Variants in PTPRG observed in about 807,000 individuals in gnomAD.
PTPRG encodes protein tyrosine phosphatase receptor type G.
A neutral mutation model predicts 165.3 loss-of-function variants in PTPRG; 102 were observed. That is an observed-to-expected ratio of 0.62 (90% CI 0.53 to 0.73). The LOEUF (loss-of-function observed/expected upper bound fraction) is 0.73, where lower values mean the gene tolerates loss of function less well. PTPRG is among the 30% of genes least tolerant of loss of function. PTPRG has a pLI of 0.00. For missense variants in PTPRG, 1,866 were observed against 1,861.4 expected (o/e 1.00, Z -0.05); for synonymous variants, 675 against 669.5 (o/e 1.01, Z -0.13).
In PTPRG at chr3:62,275,857, G is replaced by GT. The variant is rs764726655; in HGVS notation, c.3466-10dup. On this transcript the variant is annotated splice_polypyrimidine_tract_variant and intron_variant, in intron 23 of 29. Coordinates refer to ENST00000474889, the MANE Select transcript of PTPRG (RefSeq NM_002841.4). Reference sequence around the variant, plus strand: ...TATATCTTTGAATGAAGACTAAAATGTTTTTTCTTTTTCAGCTGGTCACAC... The same window carrying GT: ...TATATCTTTGAATGAAGACTAAAATGTTTTTTTCTTTTTCAGCTGGTCACAC... 4 of 1,575,462 alleles carry GT rather than the reference G, an allele frequency of 2.5e-6. No homozygotes were observed. The highest frequency in any genetic ancestry group is 3.5e-5 in the Admixed American group (2 of 57,070).
chr3:61,918,068 AG>A (rs1191870366), intron 2 of PTPRG, among the ~76,000 whole-genome samples: 4 of 152,256 alleles, frequency 2.6e-5, no homozygotes, highest in Non-Finnish European at 5.9e-5. Flanking sequence ...AGCAGTTTAT[AG>A]AACTCTTGAA....
rs568281081 is a variant in PTPRG at position 62,251,356 on chromosome 3, C to CA, written c.2468-3762dup. Among the ~76,000 whole-genome samples, 48 of 145,550 alleles carry CA rather than the reference C, an allele frequency of 3.3e-4. 1 individual carries two copies. In the East Asian group the frequency reaches 9.3e-3, roughly 28 times the overall value. ...GCAACATAGCAAGACTCCATCTCTA[C>CA]AAAAAATGTAAGCCAGGTGTGGTGG... On this transcript the variant is annotated intron_variant, in intron 15 of 29. Coordinates refer to ENST00000474889, the MANE Select transcript of PTPRG (RefSeq NM_002841.4).
At chr3:61,844,211 G>A (rs944654101) in intron 2 of PTPRG, among the ~76,000 whole-genome samples, 2 of 152,124 alleles carry the variant, frequency 1.3e-5, no homozygotes, top group African/African-American at 4.8e-5. Context: ...TGATCTGCCT[G>A]CCTTTGCCTC....
chr3:61,729,551 G>T (rs984319646), intron 1 of PTPRG, among the ~76,000 whole-genome samples: 27 of 152,296 alleles, frequency 1.8e-4, no homozygotes, highest in African/African-American at 6.5e-4. Context: ...AGACAAGGGA[G>T]TAGCTTTGGG....
intron 1 of PTPRG, among the ~76,000 whole-genome samples, chr3:61,695,631 T>G (rs2030530548): frequency 6.6e-6 from 1 of 152,206 alleles, no homozygotes; most frequent in African/African-American, 2.4e-5. Flanking sequence ...TGATTTGATT[T>G]TATTTTGTTT....
intron 2 of PTPRG, among the ~76,000 whole-genome samples, chr3:61,800,005 A>G (rs1234663039): frequency 6.6e-6 from 1 of 152,206 alleles, no homozygotes; most frequent in Non-Finnish European, 1.5e-5. Context: ...TGTACCTGGA[A>G]GGTAATTTAA....
At chr3:61,569,016 C>T (rs771908365) in intron 1 of PTPRG, among the ~76,000 whole-genome samples, 4 of 152,064 alleles carry the variant, frequency 2.6e-5, no homozygotes, top group South Asian at 2.1e-4. Flanking sequence ...GCCTCCCAAA[C>T]GGAATTGGGT....
chr3:62,077,500 G>C (rs1456919757), intron 4 of PTPRG, among the ~76,000 whole-genome samples: 1 of 151,930 alleles, frequency 6.6e-6, no homozygotes, highest in Non-Finnish European at 1.5e-5. Context: ...ATAATGTGTG[G>C]GTTAGCTTTT....
At chr3:61,758,052 A>G (rs534119270) in intron 2 of PTPRG, among the ~76,000 whole-genome samples, 6 of 152,042 alleles carry the variant, frequency 3.9e-5, no homozygotes, top group Non-Finnish European at 8.8e-5. Flanking sequence ...AAGCCCACCC[A>G]CTTCTTTTTT....
chr3:61,727,093 G>T lies in PTPRG; in HGVS notation c.86-21785G>T, dbSNP rs902552500. Among the ~76,000 whole-genome samples the T allele has an allele frequency of 4.0e-5, 6 of 151,612 alleles. No homozygotes were observed. In the South Asian group the frequency reaches 1.3e-3, roughly 32 times the overall value. On this transcript the variant is annotated intron_variant, in intron 1 of 29. Coordinates refer to ENST00000474889, the MANE Select transcript of PTPRG (RefSeq NM_002841.4). ...AGCTATTGAATTTAATTTTGATTTT[G>T]ATTTTCTGTGGCATTTTTCTGAGTG...
chr3:62,023,160 TA>T lies in PTPRG; in HGVS notation c.519+19664del, dbSNP rs1201124025. On this transcript the variant is annotated intron_variant, in intron 4 of 29. Transcript: ENST00000474889. ...ATAATGCTAACAATGCATATTATCT[TA>T]TGAGTTAATTATATTTCTGTGTTAT... Among the ~76,000 whole-genome samples the T allele has an allele frequency of 2.0e-5, 3 of 152,198 alleles. No individual in the cohort carries two copies. The South Asian group carries it at 6.2e-4, about 31-fold the overall frequency.
At chr3:61,880,811 C>T (rs75554286) in intron 2 of PTPRG, among the ~76,000 whole-genome samples, 393 of 152,104 alleles carry the variant, frequency 2.6e-3, no homozygotes, top group African/African-American at 9.1e-3. Flanking sequence ...CTATGGACCA[C>T]GGTAACGTGG....
intron 2 of PTPRG, among the ~76,000 whole-genome samples, chr3:61,752,711 G>C (rs971724336): frequency 1.4e-5 from 2 of 147,816 alleles, no homozygotes; most frequent in African/African-American, 2.5e-5. Flanking sequence ...GTTTGAACCT[G>C]GGAGGTGGAG....
chr3:62,164,752 T>G (rs1229895855), intron 7 of PTPRG, among the ~76,000 whole-genome samples: 1 of 152,268 alleles, frequency 6.6e-6, no homozygotes, highest in Non-Finnish European at 1.5e-5. Context: ...GCCTCATTTT[T>G]ACAGTTATGT....
intron 2 of PTPRG, among the ~76,000 whole-genome samples, chr3:61,797,881 G>T (rs529112870): frequency 1.5e-4 from 22 of 151,210 alleles, no homozygotes; most frequent in African/African-American, 4.6e-4. Context: ...AAGGAGGGAC[G>T]AAAAGAGTGG....
Position 62,118,595 on chromosome 3 carries a change from T to A in PTPRG, c.616-14007T>A, listed in dbSNP as rs1702948519. 5 of 152,256 alleles carry A rather than the reference T, an allele frequency of 3.3e-5. No individual in the cohort carries two copies. In the South Asian group the frequency reaches 1.0e-3, roughly 31 times the overall value. The allele number at this position is 152,256 out of a possible 1,614,324, so 9.4% of individuals were successfully genotyped here. A position where few individuals can be genotyped will look rare whatever the true frequency, so the allele number is the denominator to read the frequency against. ...GTTAATAATGACGACTATTATTTTT[T>A]AAATTTTATGTTTTTTGCTTTTACC... On this transcript the variant is annotated intron_variant, in intron 5 of 29. Transcript: ENST00000474889.
chr3:61,644,118 A>G (rs1447470574), intron 1 of PTPRG, among the ~76,000 whole-genome samples: 1 of 152,194 alleles, frequency 6.6e-6, no homozygotes, highest in African/African-American at 2.4e-5. Context: ...GGTGCTAATT[A>G]TGTGCCCTGG....
rs141606424 is a variant in PTPRG, at chr3:61,916,262, G to GGT, written c.191-73352_191-73351dup. Among the ~76,000 whole-genome samples, 6 of 151,940 alleles carry GGT rather than the reference G, an allele frequency of 3.9e-5. No individual in the cohort carries two copies. In the South Asian group the frequency reaches 6.3e-4, roughly 16 times the overall value. ...TCACAGGATTCTAGACTTATTTTTGGGTGTGTGTGTGTATAGAGCTACACT... is the reference window on the plus strand; with the variant it reads ...TCACAGGATTCTAGACTTATTTTTGGGTGTGTGTGTGTGTATAGAGCTACACT... On this transcript the variant is annotated intron_variant, in intron 2 of 29. Transcript: ENST00000474889.
At chr3:61,632,133 C>T (rs1179620322) in intron 1 of PTPRG, among the ~76,000 whole-genome samples, 1 of 152,262 alleles carries the variant, frequency 6.6e-6, no homozygotes, top group Non-Finnish European at 1.5e-5. Flanking sequence ...GGCTAAACCT[C>T]ATCTGTACAA....
Sources: allele counts gnomAD v4.1 joint callset (sites outside exome capture counted in the v4.1 genomes callset), GRCh38; gene constraint gnomAD v4.1.1; transcripts MANE v1.5; gene names NCBI Gene and HGNC (gene_info 2026-07-23, HGNC 2026-07-21).